Variants in ALDH1L2 observed in about 807,000 individuals in gnomAD.
ALDH1L2 encodes the protein aldehyde dehydrogenase 1 family member L2.
A neutral mutation model predicts 111.0 loss-of-function variants in ALDH1L2; 91 were observed. The ratio of observed to expected loss-of-function variants is 0.82; its 90% CI spans 0.69 to 0.98. ALDH1L2 has a LOEUF of 0.98. Among genes scored for constraint, ALDH1L2 ranks in the 50% least tolerant of loss-of-function variants. The pLI is 0.00. For synonymous variants in ALDH1L2, 374 were observed against 392.6 expected, an observed-to-expected ratio of 0.95 and a Z score of 0.56; for missense variants, 995 against 1,126.8, an observed-to-expected ratio of 0.88 and a Z score of 1.67.
chr12:105,037,770 CTT>C (rs71069784), intron 18 of ALDH1L2, among the ~76,000 whole-genome samples: 1 of 143,846 alleles, frequency 7.0e-6, no homozygotes, highest in Non-Finnish European at 1.5e-5. Context: ...ATTTTTTTTT[CTT>C]TTTTTTTTTT....
At chr12:105,064,829 A>G (rs1592798846) in intron 6 of ALDH1L2, among the ~76,000 whole-genome samples, 2 of 152,168 alleles carry the variant, frequency 1.3e-5, no homozygotes, top group South Asian at 4.1e-4. Flanking sequence ...CTGTCCTCAC[A>G]GTTCAGACCC....
chr12:105,030,247 G>A, intron 21 of ALDH1L2, 77 bp downstream of exon 21: 2 of 1,000,726 alleles, frequency 2.0e-6, no homozygotes, highest in Non-Finnish European at 3.0e-6. Context: ...CTTATGCTGT[G>A]TATATAGCAC....
chr12:105,061,409 T>TG (rs1167596005), intron 8 of ALDH1L2, among the ~76,000 whole-genome samples: 1 of 152,186 alleles, frequency 6.6e-6, no homozygotes, highest in Non-Finnish European at 1.5e-5. Flanking sequence ...CTAACCCCCG[T>TG]GCCAACCTGG....
rs773042273 is a variant in ALDH1L2, at chr12:105,058,166, A to T, written c.1194T>A (p.Asp398Glu). ...CTTCAAACTTGGTGGCCATATAGACATCTTCATTCTGCAACTGAAGCCCAC... is the reference window on the plus strand; with the variant it reads ...CTTCAAACTTGGTGGCCATATAGACTTCTTCATTCTGCAACTGAAGCCCAC... ...KCGGLQLQNE[D>E]VYMATKFEGF... Residue 398 changes from aspartate to glutamate, a missense_variant, in exon 10 of 23, where the codon GAT (aspartate) becomes GAA (glutamate). Physicochemically the swap from Asp to Glu is conservative, Grantham distance 45. Coordinates refer to ENST00000258494, the MANE Select transcript of ALDH1L2 (RefSeq NM_001034173.4). 13 of 1,613,082 alleles carry T rather than the reference A, an allele frequency of 8.1e-6. No homozygotes were observed. The African/African-American group carries it at 1.7e-4, about 22-fold the overall frequency.
intron 6 of ALDH1L2, 45 bp downstream of exon 6, chr12:105,065,222 T>G: frequency 6.6e-6 from 7 of 1,057,632 alleles, no homozygotes; most frequent in African/African-American, 1.9e-5. Flanking sequence ...CTTACAAAGG[T>G]AATAATCGGG....
intron 18 of ALDH1L2, among the ~76,000 whole-genome samples, chr12:105,035,167 G>T (rs1393805720): frequency 6.6e-6 from 1 of 151,888 alleles, no homozygotes; most frequent in African/African-American, 2.4e-5. Flanking sequence ...TGTTGCCCAG[G>T]CTGGACTCAA....
intron 22 of ALDH1L2, among the ~76,000 whole-genome samples, chr12:105,025,492 A>C (rs969747341): frequency 6.6e-6 from 1 of 152,224 alleles, no homozygotes; most frequent in Admixed American, 6.5e-5. Context: ...TCCCTAAGAA[A>C]GTCTCCTACA....
intron 9 of ALDH1L2, among the ~76,000 whole-genome samples, chr12:105,060,110 G>A (rs571001797): frequency 6.6e-6 from 1 of 151,962 alleles, no homozygotes; most frequent in East Asian, 1.9e-4. Context: ...GATTACACTT[G>A]TCCTTGCAAG....
At chr12:105,040,876 T>C (rs1875490154) in intron 15 of ALDH1L2, among the ~76,000 whole-genome samples, 182 bp from the exon 16 acceptor site, 1 of 152,260 alleles carries the variant, frequency 6.6e-6, no homozygotes, top group Non-Finnish European at 1.5e-5. Context: ...ATTCCTTATA[T>C]ACATTTCCAT....
At position 105,043,966 on chromosome 12, in the gene ALDH1L2, G is replaced by A. The variant is rs143094495; in HGVS notation, c.1863+2744C>T. Among the ~76,000 whole-genome samples, 83 of 152,350 alleles carry A rather than the reference G, an allele frequency of 5.4e-4. 3 individuals are homozygous for A. The East Asian group carries it at 0.016, about 29-fold the overall frequency. On this transcript the variant is annotated intron_variant, in intron 15 of 22. Coordinates refer to ENST00000258494, the MANE Select transcript of ALDH1L2 (RefSeq NM_001034173.4). Reference sequence around the variant, plus strand: ...ATAACAAAGCAGACAACAGGTTTAAGAGGAGTCATCTCAATTCAGTCCTCT... The same window carrying A: ...ATAACAAAGCAGACAACAGGTTTAAAAGGAGTCATCTCAATTCAGTCCTCT...
chr12:105,042,447 T>C (rs1298380260), intron 15 of ALDH1L2, among the ~76,000 whole-genome samples: 1 of 152,186 alleles, frequency 6.6e-6, no homozygotes. Context: ...CCTGAGGACA[T>C]ATAGTCCAAA....
chr12:105,082,224 TGGGTAAAATGCACCCTCTTCA>T (rs1878366553), intron 1 of ALDH1L2, among the ~76,000 whole-genome samples: 1 of 152,180 alleles, frequency 6.6e-6, no homozygotes, highest in South Asian at 2.1e-4. Flanking sequence ...ATAATTTGCA[TGGGTAAAATGCACCCTCTTCA>T]GTGTACTGTG....
Position 105,042,396 on chromosome 12 carries a change from A to G in ALDH1L2, c.1864-1702T>C, listed in dbSNP as rs182734122. On this transcript the variant is annotated intron_variant, in intron 15 of 22. Transcript: ENST00000258494. Reference sequence around the variant, plus strand: ...GCCTATTAATTAGAGTTTAATATGTATTTGGGTTTTTTTGTTGTTGTTGTT... The same window carrying G: ...GCCTATTAATTAGAGTTTAATATGTGTTTGGGTTTTTTTGTTGTTGTTGTT... Among the ~76,000 whole-genome samples the G allele has an allele frequency of 1.6e-3, 225 of 139,372 alleles. 1 individual carries two copies. Among genetic ancestry groups the G allele is most frequent in the African/African-American group, 5.3e-3 (205 of 38,730 alleles). The allele number at this position is 139,372 out of a possible 152,430, so 91.4% of individuals were successfully genotyped here.
chr12:105,053,688 T>G (rs1293417685), intron 10 of ALDH1L2, among the ~76,000 whole-genome samples: 3 of 152,144 alleles, frequency 2.0e-5, no homozygotes, highest in Non-Finnish European at 4.4e-5. Flanking sequence ...CTATTTCCAT[T>G]GTGTTTATGT....
rs1257307779 is a variant in ALDH1L2, at chr12:105,056,991, A to G, written c.1287+1082T>C. On this transcript the variant is annotated intron_variant, in intron 10 of 22. Transcript: ENST00000258494. ...TTTCAGCAAATCTACAGAATGAGAG[A>G]AAATATTTGCAAATCTTACATCTGA... 2.0e-5 allele frequency among the ~76,000 whole-genome samples: 3 copies of G among 151,616 alleles called. No homozygotes were observed. In the East Asian group the frequency reaches 5.8e-4, roughly 29 times the overall value.
At chr12:105,074,390 A>T (rs1877910910) in intron 1 of ALDH1L2, among the ~76,000 whole-genome samples, 1 of 140,188 alleles carries the variant, frequency 7.1e-6, no homozygotes, top group South Asian at 2.4e-4. Context: ...CCCGGGAGGC[A>T]GAGGTTGCAG....
intron 7 of ALDH1L2, 78 bp from the exon 8 acceptor site, chr12:105,061,830 A>G (rs939213211): frequency 7.1e-6 from 11 of 1,549,174 alleles, no homozygotes; most frequent in Middle Eastern, 1.7e-4. Context: ...GAGGAGTCCT[A>G]TAGATTATAT....
At chr12:105,065,245 G>T in intron 6 of ALDH1L2, 22 bp downstream of exon 6, 1 of 1,274,278 alleles carries the variant, frequency 7.8e-7, no homozygotes, top group Middle Eastern at 2.1e-4. Context: ...GGGGGGTGGG[G>T]GGAGTGGTCC....
In ALDH1L2 at chr12:105,031,949, G is replaced by A. The variant is rs200407321; in HGVS notation, c.2245-15C>T. ...ATTTCTTCTACCTGTATGTTACCCA[G>A]TCCATAAAAACACAATTCACTGTTA... On this transcript the variant is annotated splice_polypyrimidine_tract_variant and intron_variant, in intron 19 of 22. Transcript: ENST00000258494. The A allele has an allele frequency of 3.5e-5, 57 of 1,611,714 alleles. 1 individual carries two copies. Among genetic ancestry groups the A allele is most frequent in the Non-Finnish European group, 2.6e-5 (31 of 1,179,150 alleles).
Sources: allele counts gnomAD v4.1 joint callset (sites outside exome capture counted in the v4.1 genomes callset), GRCh38; gene constraint gnomAD v4.1.1; transcripts MANE v1.5; gene names NCBI Gene and HGNC (gene_info 2026-07-23, HGNC 2026-07-21).